Variants in PCDH11X observed in about 807,000 individuals in gnomAD.
PCDH11X encodes the protein protocadherin-11 X-linked.
Under a neutral mutation model 53.3 loss-of-function variants are expected in PCDH11X, and 18 were observed. The ratio of observed to expected loss-of-function variants is 0.34; its 90% CI spans 0.23 to 0.50. PCDH11X has a LOEUF of 0.50. Among genes scored for constraint, PCDH11X ranks in the 20% least tolerant of loss-of-function variants. The probability of loss-of-function intolerance (pLI) is 0.98; values close to 1 mark genes in which losing one functional copy is unlikely to be tolerated. For missense variants in PCDH11X, 570 were observed against 1,032.4 expected, an observed-to-expected ratio of 0.55 and a Z score of 6.14; for synonymous variants, 279 against 393.3, an observed-to-expected ratio of 0.71 and a Z score of 3.44.
At chrX:92,155,589 T>C (rs1247496706) in intron 6 of PCDH11X, among the ~76,000 whole-genome samples, 2 of 100,538 alleles carry the variant, frequency 2.0e-5, no homozygotes, top group Middle Eastern at 4.9e-3. Context: ...CAAGCCTCCA[T>C]TGACTGTCAC....
chrX:92,019,856 T>G (rs2525141), intron 6 of PCDH11X, among the ~76,000 whole-genome samples: 9,065 of 111,018 alleles, frequency 0.082, 405 homozygotes, highest in East Asian at 0.29. Flanking sequence ...ATCCAGAACC[T>G]GCAAGTGAGG....
chrX:92,509,440 A>C (rs1178745717), intron 10 of PCDH11X, among the ~76,000 whole-genome samples: 1 of 110,080 alleles, frequency 9.1e-6, no homozygotes, highest in South Asian at 3.9e-4. Flanking sequence ...TCACATAAAA[A>C]GTTTTAATAG....
At chrX:92,262,629 C>T (rs1253485615) in intron 7 of PCDH11X, among the ~76,000 whole-genome samples, 2 of 111,067 alleles carry the variant, frequency 1.8e-5, no homozygotes, top group Non-Finnish European at 3.8e-5. Flanking sequence ...CAATAATATC[C>T]CAATGCTGTA....
chrX:92,410,931 G>A (rs2071631923), intron 9 of PCDH11X, among the ~76,000 whole-genome samples: 3 of 109,441 alleles, frequency 2.7e-5, no homozygotes, highest in Non-Finnish European at 1.9e-5. Flanking sequence ...AGAAGAACCT[G>A]CAAACTCTGT....
At chrX:92,266,890 G>A (rs777102830) in intron 8 of PCDH11X, among the ~76,000 whole-genome samples, 25 of 109,342 alleles carry the variant, frequency 2.3e-4, no homozygotes, top group Admixed American at 4.9e-4. Context: ...GATTACAGGC[G>A]CCTGCCACCA....
At chrX:92,147,977 C>CT (rs1242180467) in intron 6 of PCDH11X, among the ~76,000 whole-genome samples, 10 of 81,064 alleles carry the variant, frequency 1.2e-4, no homozygotes, top group African/African-American at 6.0e-4. Context: ...TCCTTCCTTC[C>CT]TTCCTTCCTT....
At chrX:91,953,970 T>C (rs1355823493) in intron 6 of PCDH11X, among the ~76,000 whole-genome samples, 2 of 110,693 alleles carry the variant, frequency 1.8e-5, no homozygotes, top group African/African-American at 6.6e-5. Flanking sequence ...TCTTCAACTT[T>C]ATTTTAAGTT....
chrX:92,112,563 A>G (rs937746045), intron 6 of PCDH11X, among the ~76,000 whole-genome samples: 6 of 109,097 alleles, frequency 5.5e-5, no homozygotes, highest in Non-Finnish European at 9.4e-5. Context: ...GATTTATTAT[A>G]ATGTTTTCTT....
intron 6 of PCDH11X, among the ~76,000 whole-genome samples, chrX:92,044,969 C>T (rs1298053616): frequency 2.5e-5 from 2 of 81,543 alleles, no homozygotes; most frequent in Non-Finnish European, 4.1e-5. Context: ...TCATTTCTTT[C>T]ACTGAATTAC....
At chrX:92,437,484 G>T (rs2072411614) in intron 9 of PCDH11X, among the ~76,000 whole-genome samples, 1 of 111,261 alleles carries the variant, frequency 9.0e-6, no homozygotes, top group Non-Finnish European at 1.9e-5. Flanking sequence ...CCTTATAACA[G>T]AAAACCAAAT....
At chrX:91,833,694 T>C (rs776965365) in intron 4 of PCDH11X, among the ~76,000 whole-genome samples, 1 of 112,199 alleles carries the variant, frequency 8.9e-6, no homozygotes, top group Non-Finnish European at 1.9e-5. Context: ...AACAGATGCA[T>C]TTATTTGATT....
In PCDH11X at chrX:92,417,662, T is replaced by TA. The variant is rs2071845489; in HGVS notation, c.3343+29734dup. 4.5e-5 allele frequency among the ~76,000 whole-genome samples: 5 copies of TA among 110,780 alleles called. No homozygotes were observed. In the South Asian group the frequency reaches 1.9e-3, roughly 42 times the overall value. ...TTCTGCTCCTTGCTCACTCTAAAGG[T>TA]AAAAATGACTGGTGGAAAAGATTGT... On this transcript the variant is annotated intron_variant, in intron 9 of 10. Coordinates refer to ENST00000682573, the MANE Select transcript of PCDH11X (RefSeq NM_032968.5).
chrX:92,506,216 C>CTTTTCTTTTTT, intron 10 of PCDH11X, among the ~76,000 whole-genome samples: 1 of 40,203 alleles, frequency 2.5e-5, no homozygotes. Flanking sequence ...CTTTTCTTTT[C>CTTTTCTTTTTT]TTTTTTTTTT....
At chrX:92,231,343 T>C (rs1402626540) in intron 7 of PCDH11X, among the ~76,000 whole-genome samples, 3 of 111,924 alleles carry the variant, frequency 2.7e-5, no homozygotes, top group African/African-American at 9.7e-5. Context: ...TAAAATTTTG[T>C]AATTTTTATA....
At chrX:92,215,434 G>T (rs1468190808) in intron 7 of PCDH11X, among the ~76,000 whole-genome samples, 1 of 98,030 alleles carries the variant, frequency 1.0e-5, no homozygotes, top group African/African-American at 3.7e-5. Context: ...CTATGCCCAC[G>T]GAGTCTCGCT....
In PCDH11X at chrX:92,420,972, C is replaced by T. The variant is rs753931491; in HGVS notation, c.3343+33039C>T. Among the ~76,000 whole-genome samples, 6 of 111,476 alleles carry T rather than the reference C, an allele frequency of 5.4e-5. 1 individual carries two copies. The Middle Eastern group carries it at 0.023, about 434-fold the overall frequency. On this transcript the variant is annotated intron_variant, in intron 9 of 10. Coordinates refer to ENST00000682573, the MANE Select transcript of PCDH11X (RefSeq NM_032968.5). ...TCCCACTGTTTCCTGAAGCTCTTCT[C>T]AGTCTTTTTTCAATCTTTCTTCTCT...
At chrX:92,215,248 G>C (rs995388105) in intron 7 of PCDH11X, among the ~76,000 whole-genome samples, 8 of 110,040 alleles carry the variant, frequency 7.3e-5, no homozygotes, top group Non-Finnish European at 1.3e-4. Context: ...GCAGGGCAAG[G>C]CATTGCCTCA....
At chrX:92,293,397 G>C (rs891625408) in intron 8 of PCDH11X, among the ~76,000 whole-genome samples, 5 of 110,155 alleles carry the variant, frequency 4.5e-5, no homozygotes, top group Non-Finnish European at 9.5e-5. Context: ...GGCCAAGGCG[G>C]GCAGATCATG....
At chrX:91,990,959 T>C (rs2062313100) in intron 6 of PCDH11X, among the ~76,000 whole-genome samples, 1 of 99,396 alleles carries the variant, frequency 1.0e-5, no homozygotes, top group Admixed American at 1.1e-4. Flanking sequence ...GGGTTGTGCC[T>C]GGCAATAAAT....
Sources: allele counts gnomAD v4.1 joint callset (sites outside exome capture counted in the v4.1 genomes callset), GRCh38; gene constraint gnomAD v4.1.1; transcripts MANE v1.5; gene names NCBI Gene and HGNC (gene_info 2026-07-23, HGNC 2026-07-21).